VPS26A: variants seen among roughly 807,000 people sequenced by gnomAD.
The protein encoded by VPS26A is vacuolar protein sorting-associated protein 26A.
A neutral mutation model predicts 42.4 loss-of-function variants in VPS26A; 22 were observed. The observed-to-expected ratio is 0.52, with a 90% CI of 0.37 to 0.74. The LOEUF (loss-of-function observed/expected upper bound fraction) is 0.74, where lower values mean the gene tolerates loss of function less well. Among genes scored for constraint, VPS26A ranks in the 30% least tolerant of loss-of-function variants. The pLI is 0.00. For synonymous variants in VPS26A, 110 were observed against 123.5 expected (o/e 0.89, Z 0.73); for missense variants, 276 against 379.2 (o/e 0.73, Z 2.26).
rs146625781 is a variant in VPS26A at position 69,128,123 on chromosome 10, A to G, written c.3+3843A>G. ...AAGGAATGGTGTCAAAACACTGTTT[A>G]TCATTATGGTGTTAATTGTGAAATT... On this transcript the variant is annotated intron_variant, in intron 1 of 8. Transcript: ENST00000263559. Among the ~76,000 whole-genome samples the G allele has an allele frequency of 2.6e-3, 389 of 152,226 alleles. 1 individual carries two copies. The highest frequency in any genetic ancestry group is 8.5e-3 in the African/African-American group (351 of 41,498).
At chr10:69,130,771 G>GT (rs1299418422) in intron 1 of VPS26A, among the ~76,000 whole-genome samples, 1 of 152,154 alleles carries the variant, frequency 6.6e-6, no homozygotes, top group Non-Finnish European at 1.5e-5. Flanking sequence ...TGTGAGTGGA[G>GT]TTATACGTAC....
At chr10:69,128,196 G>A (rs1158784648) in intron 1 of VPS26A, among the ~76,000 whole-genome samples, 6 of 147,830 alleles carry the variant, frequency 4.1e-5, no homozygotes, top group Non-Finnish European at 8.9e-5. Context: ...GGCAATTTTA[G>A]TTCTATCAAA....
chr10:69,128,944 C>G (rs926957928), intron 1 of VPS26A, among the ~76,000 whole-genome samples: 1 of 139,082 alleles, frequency 7.2e-6, no homozygotes, highest in Non-Finnish European at 1.5e-5. Context: ...TTGCAGTCAG[C>G]TGAGATCATA....
At chr10:69,163,903 C>T (rs565547332) in intron 6 of VPS26A, among the ~76,000 whole-genome samples, 8 of 150,942 alleles carry the variant, frequency 5.3e-5, no homozygotes, top group African/African-American at 1.9e-4. Flanking sequence ...GTAGCTGGGA[C>T]TACAGGCGCC....
At chr10:69,169,995 A>G (rs1264915313) in intron 8 of VPS26A, 1 of 152,232 alleles carries the variant, frequency 6.6e-6, no homozygotes, top group Non-Finnish European at 1.5e-5. Flanking sequence ...TGAATTTTGA[A>G]TGAAGATAGT....
intron 1 of VPS26A, among the ~76,000 whole-genome samples, chr10:69,127,725 A>ATTT (rs1840692582): frequency 1.6e-5 from 2 of 124,588 alleles, no homozygotes; most frequent in African/African-American, 3.4e-5. Context: ...ATTTAAAAAT[A>ATTT]TCTTTTTTTT....
chr10:69,154,669 C>G (rs770293910), intron 2 of VPS26A, among the ~76,000 whole-genome samples: 57 of 152,216 alleles, frequency 3.7e-4, no homozygotes, highest in South Asian at 6.2e-4. Flanking sequence ...TTGAGACCAG[C>G]TTGGGCAATA....
intron 2 of VPS26A, among the ~76,000 whole-genome samples, chr10:69,141,181 A>G (rs1841029839): frequency 6.6e-6 from 1 of 152,238 alleles, no homozygotes; most frequent in Non-Finnish European, 1.5e-5. Flanking sequence ...ATATGTATCA[A>G]AATCTTCAAA....
At chr10:69,167,421 C>G (rs1362649636) in intron 7 of VPS26A, among the ~76,000 whole-genome samples, 6 of 122,662 alleles carry the variant, frequency 4.9e-5, no homozygotes, top group Admixed American at 9.2e-5. Flanking sequence ...GAGATCCTGC[C>G]TCAAAAAAAA....
intron 6 of VPS26A, among the ~76,000 whole-genome samples, chr10:69,165,757 C>G (rs1196973153): frequency 6.6e-6 from 1 of 151,968 alleles, no homozygotes; most frequent in Non-Finnish European, 1.5e-5. Context: ...CCAGCCTGGG[C>G]AATATATTGA....
In VPS26A at chr10:69,151,279, A is replaced by AC. The variant is rs66552237; in HGVS notation, c.154-4533_154-4532insC. The stretch of plus-strand genomic sequence containing the variant: ...GACTCCATGTCAAAAAAAAAAAAAA[A>AC]AAAACACACACACACACACAATTAG... On this transcript the variant is annotated intron_variant, in intron 2 of 8. Transcript: ENST00000263559. Among the ~76,000 whole-genome samples, 120 of 106,358 alleles carry AC rather than the reference A, an allele frequency of 1.1e-3. 2 individuals carry two copies. The highest frequency in any genetic ancestry group is 2.4e-3 in the African/African-American group (82 of 34,694). 69.8% of individuals were successfully genotyped at this position (106,358 alleles called of 152,430 possible). A position where few individuals can be genotyped will look rare whatever the true frequency, so the allele number is the denominator to read the frequency against.
chr10:69,151,670 T>A (rs937312551), intron 2 of VPS26A, among the ~76,000 whole-genome samples: 1 of 152,278 alleles, frequency 6.6e-6, no homozygotes, highest in African/African-American at 2.4e-5. Context: ...GTTTGCAGTT[T>A]GGTAGGAAGA....
At chr10:69,134,004 A>G (rs545402015) in intron 2 of VPS26A, among the ~76,000 whole-genome samples, 23 of 152,284 alleles carry the variant, frequency 1.5e-4, no homozygotes, top group African/African-American at 5.1e-4. Context: ...CTTATATTTT[A>G]GGGAGTATGA....
At chr10:69,148,101 A>G in intron 2 of VPS26A, among the ~76,000 whole-genome samples, 1 of 152,200 alleles carries the variant, frequency 6.6e-6, no homozygotes, top group African/African-American at 2.4e-5. Flanking sequence ...AGCTACTGTC[A>G]CAACAGGCAG....
intron 2 of VPS26A, 111 bp from the exon 3 acceptor site, chr10:69,155,701 T>G (rs1056299619): frequency 1.2e-6 from 1 of 832,526 alleles, no homozygotes; most frequent in African/African-American, 1.7e-5. Context: ...TGTCTCAAAC[T>G]TCATAAATGA....
At chr10:69,154,200 G>A (rs1281019286) in intron 2 of VPS26A, among the ~76,000 whole-genome samples, 1 of 152,206 alleles carries the variant, frequency 6.6e-6, no homozygotes, top group Non-Finnish European at 1.5e-5. Context: ...GACCATACAG[G>A]GGATTCAGCA....
At chr10:69,129,363 A>G (rs1448437870) in intron 1 of VPS26A, among the ~76,000 whole-genome samples, 2 of 152,088 alleles carry the variant, frequency 1.3e-5, no homozygotes, top group African/African-American at 4.8e-5. Context: ...TTTTGAGTTT[A>G]AGACTTGGAG....
At chr10:69,127,649 G>A (rs1233850858) in intron 1 of VPS26A, among the ~76,000 whole-genome samples, 1 of 149,146 alleles carries the variant, frequency 6.7e-6, no homozygotes, top group Non-Finnish European at 1.5e-5. Flanking sequence ...TTACTTTTTT[G>A]CATATGCTAT....
At chr10:69,133,085 A>G in intron 2 of VPS26A, 38 bp downstream of exon 2, 1 of 1,586,502 alleles carries the variant, frequency 6.3e-7, no homozygotes, top group Non-Finnish European at 8.5e-7. Context: ...TAATTGTAAG[A>G]TATCAGAATT....
Sources: allele counts gnomAD v4.1 joint callset (sites outside exome capture counted in the v4.1 genomes callset), GRCh38; gene constraint gnomAD v4.1.1; transcripts MANE v1.5; gene names NCBI Gene and HGNC (gene_info 2026-07-23, HGNC 2026-07-21).